Variants in TENM3 observed in about 807,000 individuals in gnomAD.
TENM3 encodes the protein teneurin transmembrane protein 3, also known as teneurin-3.
Under a neutral mutation model 255.1 loss-of-function variants are expected in TENM3, and 63 were observed. The ratio of observed to expected loss-of-function variants is 0.25; its 90% confidence interval spans 0.20 to 0.30. The LOEUF is 0.30. Ranked by LOEUF, TENM3 falls within the 10% of genes least tolerant of loss-of-function variation. The probability of loss-of-function intolerance (pLI) is 1.00; values close to 1 mark genes in which losing one functional copy is unlikely to be tolerated. For missense variants in TENM3, 2,929 were observed against 3,461.1 expected (o/e 0.85, Z 3.86); for synonymous variants, 1,306 against 1,322.3 (o/e 0.99, Z 0.27).
the TENM3 span, among the ~76,000 whole-genome samples, chr4:181,809,332 C>T: frequency 6.6e-6 from 1 of 152,126 alleles, no homozygotes; most frequent in Non-Finnish European, 1.5e-5. Flanking sequence ...AATATAATGG[C>T]TCTGGGGCTT....
intron 2 of TENM3, among the ~76,000 whole-genome samples, chr4:182,329,907 GA>G (rs1263986790): frequency 6.6e-6 from 1 of 152,080 alleles, no homozygotes; most frequent in African/African-American, 2.4e-5. Context: ...GCACATTCTA[GA>G]AAAATTCTTT....
At chr4:181,546,157 G>T in the TENM3 span, among the ~76,000 whole-genome samples, 1 of 152,266 alleles carries the variant, frequency 6.6e-6, no homozygotes. Flanking sequence ...GTGCGTGTGA[G>T]TGGCCTCTAG....
chr4:182,566,883 T>G (rs546685611), intron 3 of TENM3, among the ~76,000 whole-genome samples: 27 of 152,304 alleles, frequency 1.8e-4, no homozygotes, highest in African/African-American at 6.5e-4. Flanking sequence ...ATTTCACTAT[T>G]TTCAAGATGA....
At chr4:181,768,797 T>C in the TENM3 span, among the ~76,000 whole-genome samples, 1 of 152,190 alleles carries the variant, frequency 6.6e-6, no homozygotes, top group African/African-American at 2.4e-5. Flanking sequence ...GCCCTCAATG[T>C]TTTCTCAATC....
intron 22 of TENM3, among the ~76,000 whole-genome samples, chr4:182,765,936 A>G (rs1763682757): frequency 6.6e-6 from 1 of 152,238 alleles, no homozygotes; most frequent in Non-Finnish European, 1.5e-5. Context: ...AGTTATGCAT[A>G]TTGCATATTG....
chr4:182,560,648 A>G (rs574577034), intron 3 of TENM3, among the ~76,000 whole-genome samples: 6 of 152,302 alleles, frequency 3.9e-5, no homozygotes, highest in Admixed American at 3.3e-4. Context: ...CAGCAGGAAT[A>G]AAACCGACAA....
At chr4:182,174,445 GT>G (rs34770548) in intron 1 of TENM3, among the ~76,000 whole-genome samples, 69,786 of 135,052 alleles carry the variant, frequency 0.52, 18,359 homozygotes, top group Non-Finnish European at 0.57. Flanking sequence ...CTCTTTTTGT[GT>G]TTTTTTTTTT....
intron 3 of TENM3, among the ~76,000 whole-genome samples, chr4:182,395,003 G>A (rs971346722): frequency 1.3e-5 from 2 of 152,108 alleles, no homozygotes; most frequent in African/African-American, 2.4e-5. Flanking sequence ...ATTAAATATT[G>A]AATGGTGGCA....
the TENM3 span, among the ~76,000 whole-genome samples, chr4:181,939,954 C>T: frequency 6.6e-5 from 10 of 152,124 alleles, no homozygotes; most frequent in East Asian, 1.9e-4. Context: ...TTCAAAATAT[C>T]GTGACAAGCA....
intron 3 of TENM3, among the ~76,000 whole-genome samples, chr4:182,576,883 A>C (rs771199238): frequency 2.0e-5 from 3 of 152,202 alleles, no homozygotes; most frequent in Non-Finnish European, 2.9e-5. Context: ...CTCTTTGGCT[A>C]ATAGGATAAT....
At chr4:181,571,343 T>C in the TENM3 span, among the ~76,000 whole-genome samples, 1 of 152,118 alleles carries the variant, frequency 6.6e-6, no homozygotes, top group African/African-American at 2.4e-5. Flanking sequence ...TTTTATCTTA[T>C]ATATATTTTT....
the TENM3 span, among the ~76,000 whole-genome samples, chr4:181,788,018 A>G: frequency 8.9e-4 from 135 of 152,218 alleles, no homozygotes; most frequent in Admixed American, 1.6e-3. Context: ...CCAAACTGTA[A>G]TCCAGCCACT....
the TENM3 span, among the ~76,000 whole-genome samples, chr4:181,739,692 C>T: frequency 2.6e-5 from 4 of 152,166 alleles, no homozygotes; most frequent in East Asian, 3.9e-4. Flanking sequence ...ATGGTCTATG[C>T]TTTCCCAAGG....
chr4:181,863,474 A>C, the TENM3 span, among the ~76,000 whole-genome samples: 1 of 152,302 alleles, frequency 6.6e-6, no homozygotes, highest in African/African-American at 2.4e-5. Flanking sequence ...ATTTCTAGTA[A>C]TGTTAGGTAA....
chr4:182,246,650 TG>T (rs1342334659), intron 1 of TENM3, among the ~76,000 whole-genome samples: 2 of 152,200 alleles, frequency 1.3e-5, no homozygotes, highest in African/African-American at 4.8e-5. Context: ...CTTAAACAAA[TG>T]GGCTATGTCT....
chr4:182,598,509 G>C (rs1396229394), intron 3 of TENM3, among the ~76,000 whole-genome samples: 1 of 152,140 alleles, frequency 6.6e-6, no homozygotes, highest in Non-Finnish European at 1.5e-5. Flanking sequence ...CTTAATGGAA[G>C]TTTTCCCAAT....
chr4:181,859,266 AT>A, the TENM3 span, among the ~76,000 whole-genome samples: 151 of 143,382 alleles, frequency 1.1e-3, 17 homozygotes, highest in African/African-American at 2.7e-3. Context: ...AAAAAAAAAA[AT>A]CCCTCATTTT....
At chr4:181,455,476 C>T in the TENM3 span, among the ~76,000 whole-genome samples, 1 of 152,038 alleles carries the variant, frequency 6.6e-6, no homozygotes, top group South Asian at 2.1e-4. Context: ...CTCCTCTAAA[C>T]ACATATTTAA....
At chr4:181,640,012 G>A in the TENM3 span, among the ~76,000 whole-genome samples, 8 of 152,134 alleles carry the variant, frequency 5.3e-5, no homozygotes, top group African/African-American at 1.7e-4. Context: ...ATAATAATTG[G>A]CAAAAGGTAC....
Sources: allele counts gnomAD v4.1 joint callset (sites outside exome capture counted in the v4.1 genomes callset), GRCh38; gene constraint gnomAD v4.1.1; transcripts MANE v1.5; gene names NCBI Gene and HGNC (gene_info 2026-07-23, HGNC 2026-07-21).